Variants in CHKA observed in about 807,000 individuals in gnomAD.
CHKA encodes the protein choline kinase alpha.
CHKA carries 34 observed loss-of-function variants against 60.1 expected under a neutral mutation model. The ratio of observed to expected loss-of-function variants is 0.57; its 90% CI spans 0.43 to 0.75. The LOEUF is 0.75. Ranked by LOEUF, CHKA falls within the 30% of genes least tolerant of loss-of-function variation. The pLI, the probability that CHKA is intolerant of heterozygous loss-of-function variation, is 0.00. For synonymous variants in CHKA, 217 were observed against 223.1 expected (o/e 0.97, Z 0.24); for missense variants, 563 against 561.3 (o/e 1.00, Z -0.03).
chr11:68,117,424 A>C (rs777656359), intron 1 of CHKA, among the ~76,000 whole-genome samples: 1 of 152,190 alleles, frequency 6.6e-6, no homozygotes, highest in Non-Finnish European at 1.5e-5. Flanking sequence ...TGCAGTGGCT[A>C]ACGCCTGTAA....
At chr11:68,055,264 C>A (rs1327129148) in intron 11 of CHKA, among the ~76,000 whole-genome samples, 1 of 152,168 alleles carries the variant, frequency 6.6e-6, no homozygotes, top group Non-Finnish European at 1.5e-5. Context: ...GTGGCGGGCG[C>A]CTGTAATCCC....
intron 2 of CHKA, among the ~76,000 whole-genome samples, chr11:68,096,488 C>T (rs1857520540): frequency 6.6e-6 from 1 of 151,990 alleles, no homozygotes; most frequent in Non-Finnish European, 1.5e-5. Flanking sequence ...TCAATAGGTA[C>T]TTTAAGAATT....
chr11:68,112,784 C>G (rs990312989), intron 1 of CHKA, among the ~76,000 whole-genome samples: 5 of 152,080 alleles, frequency 3.3e-5, no homozygotes, highest in Non-Finnish European at 5.9e-5. Context: ...CTTTCCCACT[C>G]AAGAAGGTGT....
At chr11:68,075,775 C>T (rs1856767250) in intron 3 of CHKA, among the ~76,000 whole-genome samples, 1 of 152,014 alleles carries the variant, frequency 6.6e-6, no homozygotes, top group Non-Finnish European at 1.5e-5. Context: ...CCACCACCAC[C>T]GAAGTCTCTT....
At chr11:68,094,083 T>C (rs1377006269) in intron 2 of CHKA, among the ~76,000 whole-genome samples, 1 of 152,186 alleles carries the variant, frequency 6.6e-6, no homozygotes, top group Admixed American at 6.5e-5. Context: ...AAGTTAGAAA[T>C]GAAAGCCTCA....
In CHKA at chr11:68,113,081, CAAAAAAAAAAAAA is replaced by C. The variant is rs71040587; in HGVS notation, c.350+7734_350+7746del. 8.2e-4 allele frequency among the ~76,000 whole-genome samples: 12 copies of C among 14,550 alleles called. 1 individual carries two copies. The East Asian group carries it at 9.1e-3, about 11-fold the overall frequency. The allele number at this position is 14,550 out of a possible 152,430, so 9.5% of individuals were successfully genotyped here. A position where few individuals can be genotyped will look rare whatever the true frequency, so the allele number is the denominator to read the frequency against. On this transcript the variant is annotated intron_variant, in intron 1 of 11. Transcript: ENST00000265689. ...TGGGCAACAGAGCAAGACTCCGTCTCAAAAAAAAAAAAAAAAAAAAAAAAAAAAAGAAGCTGTG... is the reference window on the plus strand; with the variant it reads ...TGGGCAACAGAGCAAGACTCCGTCTCAAAAAAAAAAAAAAAAGAAGCTGTG...
intron 2 of CHKA, among the ~76,000 whole-genome samples, chr11:68,092,059 T>C (rs924295240): frequency 9.9e-5 from 15 of 152,234 alleles, no homozygotes; most frequent in Admixed American, 4.6e-4. Flanking sequence ...TATAGCTGCA[T>C]TTATAAAGTT....
At chr11:68,056,262 C>T (rs959855565) in intron 11 of CHKA, among the ~76,000 whole-genome samples, 3 of 152,036 alleles carry the variant, frequency 2.0e-5, no homozygotes, top group African/African-American at 7.3e-5. Context: ...GTCCAGGGTC[C>T]CTGGCTCATA....
At position 68,096,085 on chromosome 11, in the gene CHKA, C is replaced by T. The variant is rs557890499; in HGVS notation, c.462+934G>A. 1.5e-4 allele frequency among the ~76,000 whole-genome samples: 22 copies of T among 151,626 alleles called. 1 individual carries two copies. The highest frequency in any genetic ancestry group is 4.2e-4 in the South Asian group (2 of 4,802). ...TACCACAGAAATACCTCAACCTGGC[C>T]GGGTGCGGTGGCTCATGCCTGTAAT... is the stretch of plus-strand genomic sequence containing the variant. On this transcript the variant is annotated intron_variant, in intron 2 of 11. Transcript: ENST00000265689.
chr11:68,083,928 T>C (rs981616832), intron 2 of CHKA, among the ~76,000 whole-genome samples: 6 of 152,072 alleles, frequency 3.9e-5, no homozygotes, highest in African/African-American at 1.4e-4. Context: ...AATAACTTTT[T>C]CGTCCAGGAA....
intron 11 of CHKA, among the ~76,000 whole-genome samples, chr11:68,061,104 T>G (rs1021919512): frequency 3.6e-5 from 5 of 139,790 alleles, no homozygotes; most frequent in South Asian, 4.9e-4. Flanking sequence ...AGTTTTTTTT[T>G]TTTTTTTTTT....
intron 1 of CHKA, among the ~76,000 whole-genome samples, chr11:68,097,921 G>T (rs1248016304): frequency 6.6e-6 from 1 of 152,122 alleles, no homozygotes; most frequent in Non-Finnish European, 1.5e-5. Flanking sequence ...AACTAACCAT[G>T]AAGAGTTGTC....
chr11:68,107,525 T>C (rs1857957529), intron 1 of CHKA, among the ~76,000 whole-genome samples: 1 of 152,050 alleles, frequency 6.6e-6, no homozygotes, highest in Non-Finnish European at 1.5e-5. Flanking sequence ...TCGTTTCCAA[T>C]GGCCTGGTCC....
chr11:68,097,553 A>G (rs995986588), intron 1 of CHKA, among the ~76,000 whole-genome samples: 5 of 150,790 alleles, frequency 3.3e-5, no homozygotes, highest in Admixed American at 1.3e-4. Flanking sequence ...GGAGAATGGC[A>G]TGAACCCGGG....
rs906535385 is a variant in CHKA, at chr11:68,053,271, A to C, written c.*717T>G. The C allele has an allele frequency of 4.6e-5, 7 of 152,406 alleles. No homozygotes were observed. The highest frequency in any genetic ancestry group is 2.1e-4 in the South Asian group (1 of 4,830). The allele number at this position is 152,406 out of a possible 1,614,324, so 9.4% of individuals were successfully genotyped here. ...CCTCACACTGCCCCCGTGGCCACGC[A>C]TGGCTGTCTGCACACTCCATCAGGA... On this transcript the variant is annotated 3_prime_UTR_variant, in exon 12 of 12. Coordinates refer to ENST00000265689, the MANE Select transcript of CHKA (RefSeq NM_001277.3).
intron 2 of CHKA, among the ~76,000 whole-genome samples, chr11:68,089,410 G>A (rs944890192): frequency 6.6e-6 from 1 of 152,178 alleles, no homozygotes; most frequent in African/African-American, 2.4e-5. Flanking sequence ...ATACTGACTG[G>A]TAAGGACAAA....
chr11:68,064,659 C>G, intron 9 of CHKA, 28 bp from the exon 10 acceptor site: 4 of 1,321,062 alleles, frequency 3.0e-6, no homozygotes, highest in Non-Finnish European at 4.3e-6. Context: ...GTGTTAGGAT[C>G]AATGATGGTT....
chr11:68,076,802 G>A (rs1856805675), intron 3 of CHKA, among the ~76,000 whole-genome samples: 1 of 152,170 alleles, frequency 6.6e-6, no homozygotes, highest in Non-Finnish European at 1.5e-5. Context: ...GGAAAGAGAT[G>A]TAAGAACTTT....
intron 6 of CHKA, among the ~76,000 whole-genome samples, chr11:68,069,157 GCT>G (rs1856536935): frequency 6.6e-6 from 1 of 151,994 alleles, no homozygotes. Context: ...TGCATGTGCC[GCT>G]CCCTCCTGGA....
Sources: allele counts gnomAD v4.1 joint callset (sites outside exome capture counted in the v4.1 genomes callset), GRCh38; gene constraint gnomAD v4.1.1; transcripts MANE v1.5; gene names NCBI Gene and HGNC (gene_info 2026-07-23, HGNC 2026-07-21).